Variants in ADGRL3 observed in about 807,000 individuals in gnomAD.
ADGRL3 encodes the protein adhesion G protein-coupled receptor L3.
Under a neutral mutation model 153.5 loss-of-function variants are expected in ADGRL3, and 62 were observed. That is an observed-to-expected ratio of 0.40 (90% CI 0.33 to 0.50). The LOEUF is 0.50. ADGRL3 is among the 20% of genes least tolerant of loss of function. ADGRL3 has a pLI of 0.47. For synonymous variants in ADGRL3, 710 were observed against 672.5 expected (o/e 1.06, Z -0.86); for missense variants, 1,641 against 1,859.4 (o/e 0.88, Z 2.16).
rs2098945700 is a variant in ADGRL3, at chr4:61,586,135, T to A, written c.260-1092T>A. 1.3e-5 allele frequency among the ~76,000 whole-genome samples: 2 copies of A among 152,100 alleles called. 1 individual carries two copies. Among genetic ancestry groups the A allele is most frequent in the South Asian group, 4.1e-4 (2 of 4,836 alleles). ...GTTTTGAAGAAGAAAGTATTGTTGA[T>A]AGAAAGTATTCATTTTCAAGTTTAT... On this transcript the variant is annotated intron_variant, in intron 4 of 26. Coordinates refer to ENST00000683033, the MANE Select transcript of ADGRL3 (RefSeq NM_001387552.1).
rs558622323 is a variant in ADGRL3, at chr4:61,835,730, A to G, written c.1480+21841A>G. On this transcript the variant is annotated intron_variant, in intron 9 of 26. Coordinates refer to ENST00000683033, the MANE Select transcript of ADGRL3 (RefSeq NM_001387552.1). Reference sequence around the variant, plus strand: ...GAAACCAGAAGCTATCCATGGGGGGAAAAAACCTCAGTAAATGGCAAAGTT... The same window carrying G: ...GAAACCAGAAGCTATCCATGGGGGGGAAAAACCTCAGTAAATGGCAAAGTT... Among the ~76,000 whole-genome samples the G allele has an allele frequency of 2.6e-5, 4 of 151,826 alleles. No homozygotes were observed. The East Asian group carries it at 5.9e-4, about 22-fold the overall frequency.
intron 17 of ADGRL3, among the ~76,000 whole-genome samples, chr4:61,963,502 G>C (rs370468599): frequency 2.0e-5 from 3 of 152,132 alleles, no homozygotes; most frequent in African/African-American, 7.2e-5. Flanking sequence ...CTTTAAGAGA[G>C]AGCATGCAGT....
intron 6 of ADGRL3, among the ~76,000 whole-genome samples, chr4:61,680,482 T>A (rs1390298800): frequency 6.6e-6 from 1 of 151,174 alleles, no homozygotes; most frequent in African/African-American, 2.4e-5. Context: ...AAGGTGAGAC[T>A]TTTTCATGGA....
chr4:61,266,186 C>T (rs2092833840), intron 1 of ADGRL3, among the ~76,000 whole-genome samples: 1 of 151,732 alleles, frequency 6.6e-6, no homozygotes, highest in African/African-American at 2.4e-5. Flanking sequence ...CCTCCTCTAG[C>T]CACCCTGAAC....
intron 4 of ADGRL3, among the ~76,000 whole-genome samples, chr4:61,523,936 A>G (rs906411300): frequency 1.6e-4 from 25 of 152,104 alleles, no homozygotes; most frequent in Admixed American, 1.1e-3. Context: ...TAGGTGCTAA[A>G]CTTTGACACT....
chr4:61,844,576 AT>A (rs1561344659), intron 9 of ADGRL3, among the ~76,000 whole-genome samples: 30 of 9,452 alleles, frequency 3.2e-3, no homozygotes, highest in South Asian at 0.018. Context: ...AAAAAAAAAA[AT>A]ATATATATAT....
intron 2 of ADGRL3, among the ~76,000 whole-genome samples, chr4:61,414,462 A>G (rs1346661848): frequency 1.3e-5 from 2 of 152,096 alleles, no homozygotes; most frequent in Admixed American, 1.3e-4. Flanking sequence ...TTCCCAGAGA[A>G]AATTTTATTA....
At chr4:62,001,581 TCAG>T (rs1485004988) in intron 21 of ADGRL3, among the ~76,000 whole-genome samples, 2 of 152,256 alleles carry the variant, frequency 1.3e-5, no homozygotes, top group African/African-American at 2.4e-5. Flanking sequence ...TGTAAAGAAA[TCAG>T]CAGGGCATAA....
intron 2 of ADGRL3, among the ~76,000 whole-genome samples, chr4:61,398,582 T>G (rs111707331): frequency 6.6e-6 from 1 of 151,710 alleles, no homozygotes; most frequent in Non-Finnish European, 1.5e-5. Context: ...AATTACTTCT[T>G]TTTTGCCTTT....
intron 17 of ADGRL3, among the ~76,000 whole-genome samples, chr4:61,966,386 C>G (rs531095884): frequency 6.6e-6 from 1 of 152,208 alleles, no homozygotes; most frequent in South Asian, 2.1e-4. Flanking sequence ...AATTTTCTTT[C>G]TCACTGTGGT....
intron 1 of ADGRL3, among the ~76,000 whole-genome samples, chr4:61,261,613 T>A (rs1024448447): frequency 3.3e-5 from 5 of 152,168 alleles, no homozygotes; most frequent in Non-Finnish European, 7.3e-5. Flanking sequence ...TGGCCAACAC[T>A]ATAAATAAGG....
At chr4:61,388,702 T>C (rs1260016762) in intron 2 of ADGRL3, among the ~76,000 whole-genome samples, 1 of 152,206 alleles carries the variant, frequency 6.6e-6, no homozygotes, top group Non-Finnish European at 1.5e-5. Flanking sequence ...TGGAGACCTG[T>C]TCCATCTTCA....
In ADGRL3 at chr4:61,527,848, C is replaced by A. The variant is rs778957695; in HGVS notation, c.259+10330C>A. Among the ~76,000 whole-genome samples the A allele has an allele frequency of 9.1e-4, 139 of 152,060 alleles. 2 individuals are homozygous for A. The highest frequency in any genetic ancestry group is 2.8e-4 in the Non-Finnish European group (19 of 67,996). ...CTTTAAAACTAAGCATAACTTAAAA[C>A]CCTCTCATTGACTGGGCCTTCCCAC... On this transcript the variant is annotated intron_variant, in intron 4 of 26. Coordinates refer to ENST00000683033, the MANE Select transcript of ADGRL3 (RefSeq NM_001387552.1).
chr4:62,028,958 A>G, intron 22 of ADGRL3, 77 bp downstream of exon 22: 1 of 1,279,642 alleles, frequency 7.8e-7, no homozygotes, highest in South Asian at 1.3e-5. Context: ...TCAGTACTGA[A>G]AAATCATTAG....
chr4:61,796,088 G>A (rs915339724), intron 8 of ADGRL3, among the ~76,000 whole-genome samples: 1 of 152,086 alleles, frequency 6.6e-6, no homozygotes, highest in Non-Finnish European at 1.5e-5. Context: ...TGATTCACCT[G>A]CCTCAGCTTC....
At position 61,979,578 on chromosome 4, in the gene ADGRL3, C is replaced by T. The variant is rs2099060403; in HGVS notation, c.2821C>T (p.His941Tyr). 6.2e-7 allele frequency: 1 copy of T among 1,613,700 alleles called. No homozygotes were observed. Among genetic ancestry groups the T allele is most frequent in the Admixed American group, 1.7e-5 (1 of 59,986 alleles). ...GTGTTTCCAGCACAGTGATGCGGTCCATGACCTCCTTCTGGATGTGATCAC... is the reference window on the plus strand; with the variant it reads ...GTGTTTCCAGCACAGTGATGCGGTCTATGACCTCCTTCTGGATGTGATCAC... ...HVEVKHSDAV[H>Y]DLLLDVITWV... Residue 941 changes from histidine to tyrosine, a missense_variant, in exon 18 of 27, where the codon CAT becomes TAT. This residue lies in a region of ADGRL3 where 734 missense variants were observed against 797.0 expected (regional missense o/e 0.92). Coordinates refer to ENST00000683033, the MANE Select transcript of ADGRL3 (RefSeq NM_001387552.1).
At chr4:61,665,776 A>G (rs1446646704) in intron 5 of ADGRL3, among the ~76,000 whole-genome samples, 1 of 152,210 alleles carries the variant, frequency 6.6e-6, no homozygotes, top group Non-Finnish European at 1.5e-5. Context: ...AAATTGAAGC[A>G]GTAGGATACA....
intron 9 of ADGRL3, among the ~76,000 whole-genome samples, chr4:61,839,207 T>C (rs1037053838): frequency 1.3e-5 from 2 of 152,152 alleles, no homozygotes; most frequent in Non-Finnish European, 1.5e-5. Flanking sequence ...TTTCTTTTTT[T>C]GAGATGGAGC....
intron 5 of ADGRL3, among the ~76,000 whole-genome samples, chr4:61,605,977 A>T (rs1162383665): frequency 1.3e-5 from 2 of 152,172 alleles, no homozygotes; most frequent in Admixed American, 6.5e-5. Context: ...AATGGGAGAG[A>T]CGACAAATAC....
Sources: gnomAD v4.1 joint callset for allele counts (sites outside exome capture counted in the v4.1 genomes callset) on GRCh38, gnomAD v4.1.1 for gene constraint, gnomAD v4.1.1 regional missense constraint, MANE v1.5 for transcripts, NCBI Gene and HGNC (gene_info 2026-07-23, HGNC 2026-07-21) for gene names.